Variants in PHF14 observed in about 807,000 individuals in gnomAD.
PHF14 encodes the protein PHD finger protein 14.
PHF14 carries 55 observed loss-of-function variants against 117.9 expected under a neutral mutation model. The ratio of observed to expected loss-of-function variants is 0.47; its 90% CI spans 0.38 to 0.58. The LOEUF is 0.58. Ranked by LOEUF, PHF14 falls within the 20% of genes least tolerant of loss-of-function variation. PHF14 has a pLI of 0.00. For synonymous variants in PHF14, 409 were observed against 368.6 expected, an observed-to-expected ratio of 1.11 and a Z score of -1.26; for missense variants, 978 against 1,122.2, an observed-to-expected ratio of 0.87 and a Z score of 1.84.
intron 4 of PHF14, chr7:11,006,713 T>C: frequency 1.5e-6 from 1 of 656,404 alleles, no homozygotes; most frequent in Non-Finnish European, 2.9e-6. Context: ...GCCTCCAGAG[T>C]CTCAGTGTCT....
intron 3 of PHF14, among the ~76,000 whole-genome samples, chr7:10,989,014 G>C (rs577271814): frequency 6.6e-6 from 1 of 152,240 alleles, no homozygotes; most frequent in South Asian, 2.1e-4. Context: ...AACCAGATGA[G>C]TTTTCTTTAG....
chr7:11,023,200 T>C (rs1427304688), intron 6 of PHF14, among the ~76,000 whole-genome samples: 1 of 152,316 alleles, frequency 6.6e-6, no homozygotes, highest in East Asian at 1.9e-4. Context: ...GGTAAAATGA[T>C]AATTGGTACT....
intron 17 of PHF14, among the ~76,000 whole-genome samples, chr7:11,153,493 T>C (rs1788757858): frequency 6.6e-6 from 1 of 152,032 alleles, no homozygotes; most frequent in Non-Finnish European, 1.5e-5. Context: ...CAAGTAGCAG[T>C]TGGAATATGA....
intron 4 of PHF14, among the ~76,000 whole-genome samples, chr7:11,011,049 A>T (rs1273529218): frequency 6.6e-6 from 1 of 152,230 alleles, no homozygotes; most frequent in African/African-American, 2.4e-5. Context: ...TGTGTAAGTC[A>T]TAGCTGCAAA....
chr7:11,062,083 C>T lies in PHF14; in HGVS notation c.2652C>T (p.Val884=). ...GAACTGGAGACAATGAAAATCTTGT[C>T]AGGTAAGTTGGATGCTAAAACCTTG... ...CKGTGDNENL[V]RCDECRLCYH... Residue 884 remains valine (V), a splice_region_variant and synonymous_variant, in exon 16 of 18, where the codon GTC becomes GTT. Coordinates refer to ENST00000634607, the MANE Select transcript of PHF14 (RefSeq NM_001007157.2). The T allele has an allele frequency of 1.2e-6, 2 of 1,605,312 alleles. No individual in the cohort carries two copies. The highest frequency in any genetic ancestry group is 1.7e-6 in the Non-Finnish European group (2 of 1,175,738).
intron 16 of PHF14, among the ~76,000 whole-genome samples, chr7:11,096,743 G>C (rs1286121847): frequency 6.6e-6 from 1 of 152,102 alleles, no homozygotes; most frequent in Non-Finnish European, 1.5e-5. Flanking sequence ...AAGAACTCAA[G>C]ATAATCTTCC....
intron 16 of PHF14, among the ~76,000 whole-genome samples, chr7:11,079,918 A>G (rs900967733): frequency 2.0e-5 from 3 of 152,158 alleles, no homozygotes; most frequent in Admixed American, 2.0e-4. Flanking sequence ...TACCAATTGC[A>G]TGTAACTCAA....
chr7:11,161,214 T>G (rs145415796), intron 17 of PHF14, among the ~76,000 whole-genome samples: 4 of 152,208 alleles, frequency 2.6e-5, no homozygotes, highest in African/African-American at 9.6e-5. Context: ...TGGTAAAACT[T>G]AATTTTAGGG....
rs963641453 is a variant in PHF14, at chr7:11,115,455, C to T, written c.2772+3988C>T. The stretch of plus-strand genomic sequence containing the variant: ...AGTACTATAGAACAGGTACATAAAA[C>T]GTCACACATACATATTTATGTTGAG... On this transcript the variant is annotated intron_variant, in intron 17 of 17. Coordinates refer to ENST00000634607, the MANE Select transcript of PHF14 (RefSeq NM_001007157.2). 2.6e-5 allele frequency among the ~76,000 whole-genome samples: 4 copies of T among 151,974 alleles called. No homozygotes were observed. In the East Asian group the frequency reaches 5.8e-4, roughly 22 times the overall value.
At chr7:11,077,031 A>G (rs779901509) in intron 16 of PHF14, among the ~76,000 whole-genome samples, 114 of 151,924 alleles carry the variant, frequency 7.5e-4, no homozygotes, top group Non-Finnish European at 2.6e-4. Context: ...TAATTCATAT[A>G]TACTACATTT....
chr7:11,144,357 C>CAG (rs1280099428), intron 17 of PHF14, among the ~76,000 whole-genome samples: 1 of 151,866 alleles, frequency 6.6e-6, no homozygotes, highest in Non-Finnish European at 1.5e-5. Context: ...AGCAATCACA[C>CAG]TACTGGGTAT....
intron 3 of PHF14, among the ~76,000 whole-genome samples, chr7:10,989,677 C>T (rs937521724): frequency 6.6e-6 from 1 of 152,192 alleles, no homozygotes; most frequent in Non-Finnish European, 1.5e-5. Flanking sequence ...GTCCCCCAGG[C>T]TGAAGTGCAG....
Position 11,138,464 on chromosome 7 carries a change from A to T in PHF14, c.2772+26997A>T, listed in dbSNP as rs541589443. Among the ~76,000 whole-genome samples the T allele has an allele frequency of 4.0e-4, 61 of 152,364 alleles. 3 individuals carry two copies. The highest frequency in any genetic ancestry group is 1.4e-3 in the African/African-American group (59 of 41,592). Reference sequence around the variant, plus strand: ...TATTATTACATAGTAAACATTAAAAATTATTTTTAAGCAAAGCCAGTTTTG... The same window carrying T: ...TATTATTACATAGTAAACATTAAAATTTATTTTTAAGCAAAGCCAGTTTTG... On this transcript the variant is annotated intron_variant, in intron 17 of 17. Coordinates refer to ENST00000634607, the MANE Select transcript of PHF14 (RefSeq NM_001007157.2).
intron 16 of PHF14, among the ~76,000 whole-genome samples, chr7:11,081,038 A>G (rs1174021118): frequency 6.6e-6 from 1 of 152,148 alleles, no homozygotes; most frequent in Non-Finnish European, 1.5e-5. Flanking sequence ...CACAAAAGCT[A>G]TTGAAATTAA....
At chr7:10,990,871 T>C in intron 4 of PHF14, 24 bp downstream of exon 4, 1 of 1,511,924 alleles carries the variant, frequency 6.6e-7, no homozygotes, top group Non-Finnish European at 8.9e-7. Flanking sequence ...CTTTTCTCTC[T>C]TTTTAGAAAT....
chr7:11,162,921 A>G (rs576666612), intron 17 of PHF14, among the ~76,000 whole-genome samples: 3 of 152,314 alleles, frequency 2.0e-5, no homozygotes, highest in Admixed American at 6.5e-5. Context: ...ACTCTACTCA[A>G]TCTGCTCCAG....
chr7:11,140,315 C>T (rs1313349261), intron 17 of PHF14, among the ~76,000 whole-genome samples: 1 of 152,008 alleles, frequency 6.6e-6, no homozygotes, highest in South Asian at 2.1e-4. Flanking sequence ...TTTTATTCTA[C>T]CTATTCAATT....
At chr7:11,159,698 G>A (rs1160509490) in intron 17 of PHF14, among the ~76,000 whole-genome samples, 2 of 151,938 alleles carry the variant, frequency 1.3e-5, no homozygotes, top group African/African-American at 4.8e-5. Context: ...AAAGGTACAA[G>A]GGATCTCTGT....
chr7:10,988,534 G>GTTTTTT (rs34658159), intron 3 of PHF14, among the ~76,000 whole-genome samples: 3 of 118,132 alleles, frequency 2.5e-5, no homozygotes, highest in Admixed American at 8.9e-5. Context: ...TTTCTAGTCT[G>GTTTTTT]TTTTTTTTTT....
Sources: allele counts gnomAD v4.1 joint callset (sites outside exome capture counted in the v4.1 genomes callset), GRCh38; gene constraint gnomAD v4.1.1; transcripts MANE v1.5; gene names NCBI Gene and HGNC (gene_info 2026-07-23, HGNC 2026-07-21).